XKR4: variants seen among roughly 807,000 people sequenced by gnomAD.
The protein encoded by XKR4 is XK-related protein 4.
In XKR4, 12 loss-of-function variants were observed where a neutral mutation model predicts 53.9. The ratio of observed to expected loss-of-function variants is 0.22; its 90% CI spans 0.14 to 0.36. The LOEUF is 0.36. XKR4 is among the 10% of genes least tolerant of loss of function. The pLI, the probability that XKR4 is intolerant of heterozygous loss-of-function variation, is 1.00. For missense variants in XKR4, 799 were observed against 859.5 expected, an observed-to-expected ratio of 0.93 and a Z score of 0.88; for synonymous variants, 354 against 362.4, an observed-to-expected ratio of 0.98 and a Z score of 0.26.
Position 55,530,864 on chromosome 8 carries a change from T to A in XKR4, c.*6637T>A, listed in dbSNP as rs1030216218. Reference sequence around the variant, plus strand: ...GATCAGGATTACACAATACACTTTTTTTTTTCCCTGAGTCATTTATTCAAC... The same window carrying A: ...GATCAGGATTACACAATACACTTTTATTTTTCCCTGAGTCATTTATTCAAC... On this transcript the variant is annotated 3_prime_UTR_variant, in exon 3 of 3. Transcript: ENST00000327381. The A allele has an allele frequency of 6.7e-6, 1 of 150,364 alleles. No individual in the cohort carries two copies. The highest frequency in any genetic ancestry group is 6.6e-5 in the Admixed American group (1 of 15,228). 9.3% of individuals were successfully genotyped at this position (150,364 alleles called of 1,614,324 possible). A position where few individuals can be genotyped will look rare whatever the true frequency, so the allele number is the denominator to read the frequency against.
chr8:55,497,324 ATTTG>A (rs1239151593), intron 2 of XKR4, among the ~76,000 whole-genome samples: 1 of 152,200 alleles, frequency 6.6e-6, no homozygotes, highest in Non-Finnish European at 1.5e-5. Flanking sequence ...TTGTGGGAGG[ATTTG>A]TTTGTGTGTG....
Position 55,321,975 on chromosome 8 carries a change from G to A in XKR4, c.807-35703G>A, listed in dbSNP as rs545616938. ...CTACACTCCAGCCTGGTGACAGAGC[G>A]AGACTCCATCTCGAAAAACAAACAA... On this transcript the variant is annotated intron_variant, in intron 1 of 2. Transcript: ENST00000327381. 6.6e-4 allele frequency among the ~76,000 whole-genome samples: 96 copies of A among 145,918 alleles called. 2 individuals are homozygous for A. Among genetic ancestry groups the A allele is most frequent in the Admixed American group, 6.4e-3 (92 of 14,322 alleles).
chr8:55,514,009 T>C (rs1232390990), intron 2 of XKR4, among the ~76,000 whole-genome samples: 2 of 152,164 alleles, frequency 1.3e-5, no homozygotes, highest in African/African-American at 4.8e-5. Flanking sequence ...GTTCTCTCAA[T>C]AACAGCCAAG....
chr8:55,451,492 C>T, intron 2 of XKR4: 1 of 1,130,400 alleles, frequency 8.8e-7, no homozygotes, highest in Non-Finnish European at 1.3e-6. Flanking sequence ...CTGGAACTGG[C>T]CTGGAGAAGG....
chr8:55,511,896 A>G (rs1458759545), intron 2 of XKR4, among the ~76,000 whole-genome samples: 2 of 152,124 alleles, frequency 1.3e-5, no homozygotes, highest in African/African-American at 4.8e-5. Flanking sequence ...TCAAACCAAC[A>G]TCCTCCAATA....
chr8:55,263,150 A>G (rs1180081419), intron 1 of XKR4, among the ~76,000 whole-genome samples: 1 of 152,072 alleles, frequency 6.6e-6, no homozygotes. Context: ...CCCAGGAGTG[A>G]TCTCCTTAAA....
At chr8:55,302,033 C>T (rs943184244) in intron 1 of XKR4, among the ~76,000 whole-genome samples, 10 of 152,098 alleles carry the variant, frequency 6.6e-5, no homozygotes, top group Non-Finnish European at 1.5e-4. Context: ...GCTTTTGTTG[C>T]CATTGCTTTT....
intron 1 of XKR4, among the ~76,000 whole-genome samples, chr8:55,349,198 A>G (rs374743740): frequency 1.1e-4 from 17 of 152,354 alleles, no homozygotes; most frequent in African/African-American, 4.1e-4. Context: ...TAGAAATTAG[A>G]AAGTAATTCC....
intron 1 of XKR4, among the ~76,000 whole-genome samples, chr8:55,339,060 G>A (rs1475742634): frequency 6.6e-6 from 1 of 152,170 alleles, no homozygotes; most frequent in Non-Finnish European, 1.5e-5. Context: ...GCATATTGAG[G>A]GAACTAGATA....
chr8:55,454,763 G>A, intron 2 of XKR4: 1 of 781,358 alleles, frequency 1.3e-6, no homozygotes, highest in South Asian at 1.4e-5. Context: ...CGCGACACAG[G>A]TACCAGCGTC....
chr8:55,136,082 C>T (rs1256281755), intron 1 of XKR4, among the ~76,000 whole-genome samples: 2 of 152,042 alleles, frequency 1.3e-5, no homozygotes, highest in African/African-American at 4.8e-5. Flanking sequence ...TTAGTAGAAA[C>T]AGGGTTTCAC....
At position 55,530,659 on chromosome 8, in the gene XKR4, G is replaced by A. The variant is rs1381614004; in HGVS notation, c.*6432G>A. Reference sequence around the variant, plus strand: ...CTTCAATGATCAATATGAATGTAGTGTATTAAAATACAAGTAACTATCTTC... The same window carrying A: ...CTTCAATGATCAATATGAATGTAGTATATTAAAATACAAGTAACTATCTTC... On this transcript the variant is annotated 3_prime_UTR_variant, in exon 3 of 3. Coordinates refer to ENST00000327381, the MANE Select transcript of XKR4 (RefSeq NM_052898.2). The A allele has an allele frequency of 6.6e-6, 1 of 152,148 alleles. No homozygotes were observed. Among genetic ancestry groups the A allele is most frequent in the Non-Finnish European group, 1.5e-5 (1 of 68,040 alleles). 9.4% of individuals were successfully genotyped at this position (152,148 alleles called of 1,614,324 possible).
chr8:55,426,023 G>A (rs188604155), intron 2 of XKR4, among the ~76,000 whole-genome samples: 27 of 152,132 alleles, frequency 1.8e-4, no homozygotes, highest in African/African-American at 6.0e-4. Flanking sequence ...TTCCCTCCTC[G>A]TTCCTCACCA....
intron 1 of XKR4, among the ~76,000 whole-genome samples, chr8:55,307,517 A>G (rs1462139781): frequency 1.3e-5 from 2 of 151,960 alleles, no homozygotes; most frequent in African/African-American, 4.8e-5. Context: ...TTAGCCAGAC[A>G]TGGTGGCACA....
chr8:55,393,992 G>A (rs16921699), intron 2 of XKR4, among the ~76,000 whole-genome samples: 4,979 of 152,202 alleles, frequency 0.033, 239 homozygotes, highest in African/African-American at 0.11. Flanking sequence ...GAGGATTAAC[G>A]ATGAAAGCAG....
chr8:55,163,760 G>T (rs531766864), intron 1 of XKR4, among the ~76,000 whole-genome samples: 1 of 152,114 alleles, frequency 6.6e-6, no homozygotes, highest in Non-Finnish European at 1.5e-5. Flanking sequence ...CAGGAGAATC[G>T]GTTGAACTCA....
intron 1 of XKR4, among the ~76,000 whole-genome samples, chr8:55,143,345 T>G (rs1330132931): frequency 6.6e-6 from 1 of 152,248 alleles, no homozygotes; most frequent in Admixed American, 6.5e-5. Flanking sequence ...CAAGTTGTTT[T>G]GCCTTTTAAT....
At chr8:55,289,562 AAGGAAG>A (rs1563316320) in intron 1 of XKR4, among the ~76,000 whole-genome samples, 27 of 120,154 alleles carry the variant, frequency 2.2e-4, no homozygotes, top group South Asian at 6.2e-4. Context: ...GGAAGGAAGG[AAGGAAG>A]GAGAGAGAAA....
At chr8:55,289,553 GAA>G in intron 1 of XKR4, among the ~76,000 whole-genome samples, 1 of 78,368 alleles carries the variant, frequency 1.3e-5, no homozygotes, top group Non-Finnish European at 2.7e-5. Flanking sequence ...AGGAAGGAAG[GAA>G]GGAAGGAAGG....
Sources: gnomAD v4.1 joint callset for allele counts (sites outside exome capture counted in the v4.1 genomes callset) on GRCh38, gnomAD v4.1.1 for gene constraint, MANE v1.5 for transcripts, NCBI Gene and HGNC (gene_info 2026-07-23, HGNC 2026-07-21) for gene names.